Variants in CHODL observed in about 807,000 individuals in gnomAD.
CHODL encodes the protein transmembrane protein MT75.
In CHODL, 29 loss-of-function variants were observed where a neutral mutation model predicts 34.5. The observed-to-expected ratio is 0.84, with a 90% CI of 0.63 to 1.15. CHODL has a LOEUF of 1.15. Ranked by LOEUF, CHODL falls within the 50% of genes most tolerant of loss-of-function variation. CHODL has a pLI of 0.00. For missense variants in CHODL, 332 were observed against 332.5 expected, an observed-to-expected ratio of 1.00 and a Z score of 0.01; for synonymous variants, 125 against 116.1, an observed-to-expected ratio of 1.08 and a Z score of -0.49.
chr21:18,112,526 T>C (rs970203757), intron 2 of CHODL, among the ~76,000 whole-genome samples: 1 of 152,128 alleles, frequency 6.6e-6, no homozygotes, highest in Non-Finnish European at 1.5e-5. Flanking sequence ...ATTACAGAGC[T>C]ATAGTAACCA....
chr21:18,204,587 C>T (rs776690897), intron 2 of CHODL, among the ~76,000 whole-genome samples: 2 of 152,106 alleles, frequency 1.3e-5, no homozygotes, highest in Non-Finnish European at 2.9e-5. Flanking sequence ...AATACTTCCA[C>T]AAATGGATTG....
At chr21:18,191,526 A>C (rs960036947) in intron 2 of CHODL, among the ~76,000 whole-genome samples, 1 of 152,190 alleles carries the variant, frequency 6.6e-6, no homozygotes, top group Non-Finnish European at 1.5e-5. Context: ...TTGTGATTTT[A>C]ACTTGTCTTT....
At chr21:18,144,527 C>G (rs941195300) in intron 2 of CHODL, among the ~76,000 whole-genome samples, 2 of 152,130 alleles carry the variant, frequency 1.3e-5, no homozygotes, top group Non-Finnish European at 2.9e-5. Context: ...AAAGCAATTT[C>G]AGTAAGTGCT....
chr21:18,245,712 G>A (rs1224015867), intron 1 of CHODL, among the ~76,000 whole-genome samples: 1 of 152,154 alleles, frequency 6.6e-6, no homozygotes, highest in East Asian at 1.9e-4. Flanking sequence ...CTGTCGCTCT[G>A]ACTGGACTTT....
At chr21:18,249,779 T>C (rs942084107) in intron 1 of CHODL, among the ~76,000 whole-genome samples, 3 of 152,150 alleles carry the variant, frequency 2.0e-5, no homozygotes, top group Non-Finnish European at 4.4e-5. Flanking sequence ...CTTTGCCTCA[T>C]TTTGAAAACA....
At chr21:18,061,177 A>G (rs140405288) in intron 2 of CHODL, among the ~76,000 whole-genome samples, 3 of 152,326 alleles carry the variant, frequency 2.0e-5, no homozygotes, top group East Asian at 1.9e-4. Context: ...TACTAACACT[A>G]TGCCAGAAAG....
At chr21:18,179,679 C>T (rs1032539834) in intron 2 of CHODL, among the ~76,000 whole-genome samples, 6 of 152,148 alleles carry the variant, frequency 3.9e-5, no homozygotes, top group African/African-American at 1.4e-4. Context: ...TCTCCTTTTC[C>T]TTGTACTTCA....
At position 18,256,597 on chromosome 21, in the gene CHODL, G is replaced by T. The variant is rs540479831; in HGVS notation, c.168G>T (p.Glu56Asp). ...TGTCCAGCCGAGTGAGCTTTCAGGAGGCACGCCTGGCTTGTGAGAGTGAGG... is the reference window on the plus strand; with the variant it reads ...TGTCCAGCCGAGTGAGCTTTCAGGATGCACGCCTGGCTTGTGAGAGTGAGG... ...HELSSRVSFQ[E>D]ARLACESEGG... is the part of the protein sequence containing the mutation. Residue 56 changes from glutamate (E) to aspartate (D), a missense_variant, in exon 2 of 6, where the codon GAG becomes GAT. By Grantham distance (45) the Glu-to-Asp change is conservative (BLOSUM62 2). Transcript: ENST00000299295. 6.2e-7 allele frequency: 1 copy of T among 1,613,976 alleles called. No homozygotes were observed. The highest frequency in any genetic ancestry group is 1.1e-5 in the South Asian group (1 of 91,070).
intron 2 of CHODL, among the ~76,000 whole-genome samples, chr21:18,178,194 C>T (rs1286157941): frequency 6.6e-6 from 1 of 152,114 alleles, no homozygotes; most frequent in African/African-American, 2.4e-5. Context: ...ATATACCAGA[C>T]ACAAGTTAAT....
At chr21:17,944,932 C>G (rs1327479081) in intron 1 of CHODL, among the ~76,000 whole-genome samples, 2 of 152,170 alleles carry the variant, frequency 1.3e-5, no homozygotes, top group East Asian at 3.9e-4. Context: ...GAAACTAGGC[C>G]AGGCGCGGTG....
intron 1 of CHODL, among the ~76,000 whole-genome samples, chr21:18,009,932 G>T (rs2063998370): frequency 6.7e-6 from 1 of 149,484 alleles, no homozygotes. Flanking sequence ...GAAGGCTGGA[G>T]ATATGGACAC....
intron 2 of CHODL, among the ~76,000 whole-genome samples, chr21:18,072,697 A>C (rs961611762): frequency 6.6e-6 from 1 of 152,076 alleles, no homozygotes; most frequent in African/African-American, 2.4e-5. Context: ...GAGGTAATAC[A>C]ATCTTTACTG....
intron 2 of CHODL, among the ~76,000 whole-genome samples, chr21:18,178,507 T>G (rs941272865): frequency 2.0e-5 from 3 of 152,240 alleles, no homozygotes; most frequent in Non-Finnish European, 1.5e-5. Context: ...GAAAGTCTAC[T>G]GTTGACTGGA....
chr21:18,114,076 G>C (rs1297231748), intron 2 of CHODL, among the ~76,000 whole-genome samples: 1 of 152,088 alleles, frequency 6.6e-6, no homozygotes. Context: ...ATTTATTTGT[G>C]GGATCTAAAA....
At chr21:18,158,430 T>C (rs1233404633) in intron 2 of CHODL, among the ~76,000 whole-genome samples, 3 of 152,188 alleles carry the variant, frequency 2.0e-5, no homozygotes, top group Non-Finnish European at 2.9e-5. Context: ...TTCAAAAGAC[T>C]TAATTAGAAG....
At chr21:18,061,102 G>T (rs1009497961) in intron 2 of CHODL, among the ~76,000 whole-genome samples, 1 of 152,160 alleles carries the variant, frequency 6.6e-6, no homozygotes, top group African/African-American at 2.4e-5. Flanking sequence ...TTCATTTTGG[G>T]TACTATAACT....
At chr21:18,231,873 C>T (rs1568946792) in intron 2 of CHODL, among the ~76,000 whole-genome samples, 1 of 151,492 alleles carries the variant, frequency 6.6e-6, no homozygotes, top group African/African-American at 2.4e-5. Flanking sequence ...TCTTGGTGGT[C>T]CTGGGTAGTT....
intron 2 of CHODL, among the ~76,000 whole-genome samples, chr21:18,122,167 C>A (rs964723755): frequency 2.0e-5 from 3 of 151,510 alleles, no homozygotes; most frequent in African/African-American, 7.3e-5. Context: ...TAAGTGATTC[C>A]AGTTGAAATG....
Position 18,262,904 on chromosome 21 carries a change from CAT to C in CHODL, c.737+16_737+17del, listed in dbSNP as rs995363198. 8.9e-6 allele frequency: 13 copies of C among 1,464,174 alleles called. No homozygotes were observed. The East Asian group carries it at 1.1e-4, about 13-fold the overall frequency. The allele number at this position is 1,464,174 out of a possible 1,614,324, so 90.7% of individuals were successfully genotyped here. ...GATGCTGCATAAAAGGTAAATAACTCATATATGTAGAGACAATTTGAAAAACT... is the reference window on the plus strand; with the variant it reads ...GATGCTGCATAAAAGGTAAATAACTCATATGTAGAGACAATTTGAAAAACT... On this transcript the variant is annotated intron_variant, in intron 5 of 5. Transcript: ENST00000299295.
Sources: allele counts gnomAD v4.1 joint callset (sites outside exome capture counted in the v4.1 genomes callset), GRCh38; gene constraint gnomAD v4.1.1; transcripts MANE v1.5; gene names NCBI Gene and HGNC (gene_info 2026-07-23, HGNC 2026-07-21).